The following STXBP5L variants were observed in gnomAD, a reference collection of about 807,000 sequenced individuals.
STXBP5L encodes syntaxin binding protein 5L.
STXBP5L carries 65 observed loss-of-function variants against 144.5 expected under a neutral mutation model. The ratio of observed to expected loss-of-function variants is 0.45; its 90% CI spans 0.37 to 0.55. The LOEUF is 0.55. STXBP5L is among the 20% of genes least tolerant of loss of function. STXBP5L has a pLI of 0.00. For missense variants in STXBP5L, 1,298 were observed against 1,405.5 expected, an observed-to-expected ratio of 0.92 and a Z score of 1.22; for synonymous variants, 505 against 469.6, an observed-to-expected ratio of 1.08 and a Z score of -0.97.
At chr3:121,397,940 T>C (rs1398617457) in intron 22 of STXBP5L, among the ~76,000 whole-genome samples, 4 of 152,260 alleles carry the variant, frequency 2.6e-5, no homozygotes, top group Admixed American at 2.0e-4. Context: ...TGTCCACTCC[T>C]GTATCTACCA....
intron 2 of STXBP5L, among the ~76,000 whole-genome samples, chr3:120,915,441 T>G (rs1288141576): frequency 6.6e-6 from 1 of 152,156 alleles, no homozygotes; most frequent in Non-Finnish European, 1.5e-5. Flanking sequence ...CTATATCCAT[T>G]AAAAGTATCA....
intron 15 of STXBP5L, among the ~76,000 whole-genome samples, chr3:121,251,838 A>G (rs942202418): frequency 1.1e-4 from 16 of 151,732 alleles, no homozygotes. Flanking sequence ...CAAGCAAACT[A>G]ACTATCAGCA....
At chr3:120,990,818 C>T (rs1032468945) in intron 3 of STXBP5L, among the ~76,000 whole-genome samples, 1 of 152,098 alleles carries the variant, frequency 6.6e-6, no homozygotes, top group African/African-American at 2.4e-5. Context: ...ACACGTTATA[C>T]AAAAATTAAT....
At chr3:121,092,692 A>T (rs1184830981) in intron 5 of STXBP5L, among the ~76,000 whole-genome samples, 3 of 152,218 alleles carry the variant, frequency 2.0e-5, no homozygotes, top group African/African-American at 4.8e-5. Context: ...GGGGTTTTCT[A>T]GATACACAAT....
chr3:121,305,440 A>G (rs1459563986), intron 19 of STXBP5L, among the ~76,000 whole-genome samples: 1 of 152,194 alleles, frequency 6.6e-6, no homozygotes, highest in Non-Finnish European at 1.5e-5. Context: ...GAAGACAAAC[A>G]TATAAAAGAA....
chr3:120,957,984 A>T (rs971593008), intron 3 of STXBP5L, among the ~76,000 whole-genome samples: 3 of 152,086 alleles, frequency 2.0e-5, no homozygotes, highest in African/African-American at 7.2e-5. Context: ...TTTTTTGAAA[A>T]GATCAACAAA....
chr3:121,046,445 T>G (rs1947521812), intron 5 of STXBP5L, among the ~76,000 whole-genome samples: 1 of 152,118 alleles, frequency 6.6e-6, no homozygotes, highest in Non-Finnish European at 1.5e-5. Flanking sequence ...TACAAGCTAT[T>G]CTTTATGCAT....
chr3:121,029,578 C>G (rs1946213021), intron 3 of STXBP5L, among the ~76,000 whole-genome samples: 1 of 152,054 alleles, frequency 6.6e-6, no homozygotes, highest in Non-Finnish European at 1.5e-5. Flanking sequence ...CATGAAAACC[C>G]TAGAGGAAAA....
At chr3:120,920,511 T>G (rs1030263868) in intron 2 of STXBP5L, among the ~76,000 whole-genome samples, 1 of 151,852 alleles carries the variant, frequency 6.6e-6, no homozygotes, top group Non-Finnish European at 1.5e-5. Flanking sequence ...ACATTAGAAT[T>G]ATTCTCTTCC....
chr3:121,413,064 C>T, intron 23 of STXBP5L, 94 bp from the exon 24 acceptor site: 4 of 1,008,732 alleles, frequency 4.0e-6, no homozygotes, highest in Non-Finnish European at 5.4e-6. Context: ...AAAGAAACAA[C>T]CATAAAATAA....
At chr3:120,988,284 T>A (rs539578006) in intron 3 of STXBP5L, among the ~76,000 whole-genome samples, 84 of 152,068 alleles carry the variant, frequency 5.5e-4, no homozygotes, top group Middle Eastern at 3.4e-3. Context: ...CTGCTTTAGC[T>A]GTTTTAATAC....
Position 120,927,878 on chromosome 3 carries a change from T to C in STXBP5L, c.189+18111T>C, listed in dbSNP as rs576908026. ...ATTTCTGTCTTCATACAAAGCAAGA[T>C]TATATATTTAGTAGAAATAATTTTA... On this transcript the variant is annotated intron_variant, in intron 2 of 26. Coordinates refer to ENST00000471454, the MANE Select transcript of STXBP5L (RefSeq NM_001308330.2). Among the ~76,000 whole-genome samples the C allele has an allele frequency of 9.8e-5, 15 of 152,328 alleles. No homozygotes were observed. The South Asian group carries it at 3.1e-3, about 32-fold the overall frequency.
chr3:120,930,073 AT>A (rs951948543), intron 2 of STXBP5L, among the ~76,000 whole-genome samples: 10 of 147,240 alleles, frequency 6.8e-5, no homozygotes, highest in African/African-American at 1.5e-4. Flanking sequence ...CATAATTCAT[AT>A]TTTTTTCTAT....
intron 3 of STXBP5L, among the ~76,000 whole-genome samples, chr3:120,973,550 T>G (rs1940533681): frequency 6.6e-6 from 1 of 151,110 alleles, no homozygotes; most frequent in Admixed American, 6.6e-5. Context: ...ATTCTTTATA[T>G]TTTTTTATTA....
intron 3 of STXBP5L, among the ~76,000 whole-genome samples, chr3:121,028,940 G>A (rs1352943945): frequency 6.6e-6 from 1 of 152,052 alleles, no homozygotes; most frequent in Non-Finnish European, 1.5e-5. Context: ...TTGCTACAAA[G>A]AGAATAAAAT....
chr3:121,326,546 ATGT>A (rs2044155481), intron 20 of STXBP5L, among the ~76,000 whole-genome samples: 3 of 152,086 alleles, frequency 2.0e-5, no homozygotes, highest in Non-Finnish European at 4.4e-5. Flanking sequence ...TTTTAATTTA[ATGT>A]TGTATTTATT....
chr3:121,379,855 G>T (rs894838254), intron 21 of STXBP5L, among the ~76,000 whole-genome samples: 3 of 152,068 alleles, frequency 2.0e-5, no homozygotes, highest in Admixed American at 2.0e-4. Flanking sequence ...TTTTTAAAGA[G>T]TTAGGATCTC....
chr3:121,313,445 C>G (rs1208075712), intron 19 of STXBP5L, among the ~76,000 whole-genome samples: 1 of 102,924 alleles, frequency 9.7e-6, no homozygotes, highest in African/African-American at 4.2e-5. Flanking sequence ...GGGGGCTGAC[C>G]CCCCCACCTC....
chr3:120,958,452 C>CAA (rs1182288542), intron 3 of STXBP5L, among the ~76,000 whole-genome samples: 3 of 151,978 alleles, frequency 2.0e-5, no homozygotes, highest in Admixed American at 2.0e-4. Context: ...AGAGACACAA[C>CAA]AAAAAAATAG....
Sources: gnomAD v4.1 joint callset for allele counts (sites outside exome capture counted in the v4.1 genomes callset) on GRCh38, gnomAD v4.1.1 for gene constraint, MANE v1.5 for transcripts, NCBI Gene and HGNC (gene_info 2026-07-23, HGNC 2026-07-21) for gene names.